The following CNTNAP5 variants were observed in gnomAD, a reference collection of about 807,000 sequenced individuals.
The protein encoded by CNTNAP5 is contactin-associated protein-like 5.
CNTNAP5 carries 72 observed loss-of-function variants against 150.2 expected under a neutral mutation model. That is an observed-to-expected ratio of 0.48 (90% CI 0.40 to 0.58). CNTNAP5 has a LOEUF of 0.58. Among genes scored for constraint, CNTNAP5 ranks in the 20% least tolerant of loss-of-function variants. The probability of loss-of-function intolerance (pLI) is 0.00; values close to 1 mark genes in which losing one functional copy is unlikely to be tolerated. For synonymous variants in CNTNAP5, 672 were observed against 619.8 expected (o/e 1.08, Z -1.25); for missense variants, 1,636 against 1,626.2 (o/e 1.01, Z -0.10).
chr2:124,248,129 C>A (rs373671516), intron 3 of CNTNAP5, among the ~76,000 whole-genome samples: 3 of 152,134 alleles, frequency 2.0e-5, no homozygotes, highest in Non-Finnish European at 2.9e-5. Flanking sequence ...GAGGGAAATG[C>A]AGAGGCTTTT....
chr2:124,843,277 A>G (rs1045433191), intron 19 of CNTNAP5, among the ~76,000 whole-genome samples: 2 of 151,706 alleles, frequency 1.3e-5, no homozygotes, highest in Admixed American at 6.6e-5. Context: ...TTCCTTATCC[A>G]CTCGTTGATC....
chr2:124,205,962 A>C (rs1685852849), intron 1 of CNTNAP5, among the ~76,000 whole-genome samples: 1 of 152,236 alleles, frequency 6.6e-6, no homozygotes, highest in Non-Finnish European at 1.5e-5. Flanking sequence ...GTGGGCCTTT[A>C]GTCCCTACTC....
chr2:124,645,787 G>A (rs995079034), intron 12 of CNTNAP5, among the ~76,000 whole-genome samples: 4 of 152,192 alleles, frequency 2.6e-5, no homozygotes, highest in Admixed American at 2.0e-4. Context: ...TGGTTTTGCA[G>A]GATGTACAGG....
intron 1 of CNTNAP5, among the ~76,000 whole-genome samples, chr2:124,104,279 C>T (rs1255022538): frequency 2.6e-5 from 4 of 152,090 alleles, no homozygotes; most frequent in African/African-American, 9.7e-5. Context: ...CACCAACTTT[C>T]TGTTCTCTAC....
In CNTNAP5 at chr2:124,589,381, A is replaced by G. The variant is rs1447627151; in HGVS notation, c.1757-20420A>G. Reference sequence around the variant, plus strand: ...GTCTCATTCCTTTTCACTGCCTAGTAATATTTCATGGTATGGAAATACCAC... The same window carrying G: ...GTCTCATTCCTTTTCACTGCCTAGTGATATTTCATGGTATGGAAATACCAC... On this transcript the variant is annotated intron_variant, in intron 11 of 23. Transcript: ENST00000682447. Among the ~76,000 whole-genome samples the G allele has an allele frequency of 2.6e-5, 4 of 152,168 alleles. 1 individual carries two copies. Among genetic ancestry groups the G allele is most frequent in the Non-Finnish European group, 5.9e-5 (4 of 68,040 alleles).
chr2:124,753,105 C>T (rs1416234814), intron 14 of CNTNAP5, among the ~76,000 whole-genome samples: 1 of 152,110 alleles, frequency 6.6e-6, no homozygotes, highest in Non-Finnish European at 1.5e-5. Flanking sequence ...TTCTTTGCCT[C>T]TCGCCCTTAG....
intron 12 of CNTNAP5, among the ~76,000 whole-genome samples, chr2:124,635,412 G>A (rs1677951335): frequency 1.3e-5 from 2 of 152,124 alleles, no homozygotes; most frequent in South Asian, 4.1e-4. Flanking sequence ...AATTGAACAT[G>A]AGATTTGGGT....
chr2:124,057,115 G>A (rs1178207765), intron 1 of CNTNAP5, among the ~76,000 whole-genome samples: 3 of 151,996 alleles, frequency 2.0e-5, no homozygotes, highest in Non-Finnish European at 4.4e-5. Flanking sequence ...AATTGGGAAG[G>A]ACCCAGGTAT....
chr2:124,825,739 T>C (rs901959082), intron 19 of CNTNAP5, among the ~76,000 whole-genome samples: 5 of 152,144 alleles, frequency 3.3e-5, no homozygotes, highest in African/African-American at 1.2e-4. Flanking sequence ...AGAAATCATA[T>C]ACTTTATTTT....
At chr2:124,321,040 A>G (rs1689084830) in intron 3 of CNTNAP5, among the ~76,000 whole-genome samples, 1 of 152,182 alleles carries the variant, frequency 6.6e-6, no homozygotes, top group Non-Finnish European at 1.5e-5. Flanking sequence ...GATCTTGTAA[A>G]GTCTTTCAAG....
At chr2:124,670,632 GA>G (rs1436759018) in intron 13 of CNTNAP5, among the ~76,000 whole-genome samples, 3 of 7,768 alleles carry the variant, frequency 3.9e-4, no homozygotes, top group Admixed American at 2.3e-3. Context: ...ATCCACCTTA[GA>G]GGTGTTGCAC....
At chr2:124,525,511 T>G (rs1344707028) in intron 9 of CNTNAP5, among the ~76,000 whole-genome samples, 1 of 152,236 alleles carries the variant, frequency 6.6e-6, no homozygotes, top group East Asian at 1.9e-4. Context: ...AAATTATGCA[T>G]AGTCTCTTAA....
Position 124,221,808 on chromosome 2 carries a change from T to A in CNTNAP5, c.186T>A (p.Val62=). ...GCCCAGCTCAACTCAACTGGAGAGT[T>A]GGTAAGTAGGCTGACTGAAATCCTA... ...THSPAQLNWR[V]GTGGWSPADS... The change falls in exon 2 of 24, where the codon GTT becomes GTA. Residue 62 remains valine, a splice_region_variant and synonymous_variant. Coordinates refer to ENST00000682447, the MANE Select transcript of CNTNAP5 (RefSeq NM_001367498.1). 6.3e-7 allele frequency: 1 copy of A among 1,596,938 alleles called. No homozygotes were observed. Among genetic ancestry groups the A allele is most frequent in the Non-Finnish European group, 8.6e-7 (1 of 1,168,162 alleles).
Position 124,586,741 on chromosome 2 carries a change from C to T in CNTNAP5, c.1757-23060C>T, listed in dbSNP as rs76615687. On this transcript the variant is annotated intron_variant, in intron 11 of 23. Coordinates refer to ENST00000682447, the MANE Select transcript of CNTNAP5 (RefSeq NM_001367498.1). Reference sequence around the variant, plus strand: ...TGCTATGCATCAAGCTAGAAAGTTGCAATTGGGTGGATAGATCCTTCCAGG... The same window carrying T: ...TGCTATGCATCAAGCTAGAAAGTTGTAATTGGGTGGATAGATCCTTCCAGG... Among the ~76,000 whole-genome samples, 675 of 152,230 alleles carry T rather than the reference C, an allele frequency of 4.4e-3. 4 individuals are homozygous for T. The highest frequency in any genetic ancestry group is 0.014 in the Middle Eastern group (4 of 294).
chr2:124,173,053 C>A (rs1284678261), intron 1 of CNTNAP5, among the ~76,000 whole-genome samples: 2 of 152,020 alleles, frequency 1.3e-5, no homozygotes, highest in African/African-American at 4.8e-5. Flanking sequence ...GTTATGGTGA[C>A]CTGTGACCAG....
At chr2:124,894,554 T>G (rs1678264809) in intron 21 of CNTNAP5, among the ~76,000 whole-genome samples, 1 of 150,902 alleles carries the variant, frequency 6.6e-6, no homozygotes, top group Non-Finnish European at 1.5e-5. Flanking sequence ...TTCTTTTTTC[T>G]TTTTCTTTTT....
intron 3 of CNTNAP5, among the ~76,000 whole-genome samples, chr2:124,357,418 T>C (rs972753647): frequency 7.9e-5 from 12 of 152,056 alleles, no homozygotes; most frequent in African/African-American, 2.9e-4. Context: ...TAGGTTTTCT[T>C]CTAGGGTTTT....
At chr2:124,312,012 TGGAAA>T (rs1352577964) in intron 3 of CNTNAP5, among the ~76,000 whole-genome samples, 2 of 151,950 alleles carry the variant, frequency 1.3e-5, no homozygotes, top group Admixed American at 1.3e-4. Flanking sequence ...GAATGTGATG[TGGAAA>T]GGAAACAGAA....
intron 10 of CNTNAP5, among the ~76,000 whole-genome samples, chr2:124,538,918 T>C (rs1258618627): frequency 6.6e-6 from 1 of 152,210 alleles, no homozygotes; most frequent in Non-Finnish European, 1.5e-5. Context: ...CTTCCATCTG[T>C]TTCTCATGTT....
Sources: gnomAD v4.1 joint callset for allele counts (sites outside exome capture counted in the v4.1 genomes callset) on GRCh38, gnomAD v4.1.1 for gene constraint, MANE v1.5 for transcripts, NCBI Gene and HGNC (gene_info 2026-07-23, HGNC 2026-07-21) for gene names.